SLC6A17: variants seen among roughly 807,000 people sequenced by gnomAD.
SLC6A17 encodes the protein sodium-dependent neutral amino acid transporter SLC6A17.
SLC6A17 carries 21 observed loss-of-function variants against 64.5 expected under a neutral mutation model. The ratio of observed to expected loss-of-function variants is 0.33; its 90% CI spans 0.23 to 0.47. SLC6A17 has a LOEUF of 0.47. Among genes scored for constraint, SLC6A17 ranks in the 20% least tolerant of loss-of-function variants. SLC6A17 has a pLI of 1.00. For missense variants in SLC6A17, 682 were observed against 963.2 expected (o/e 0.71, Z 3.86); for synonymous variants, 372 against 399.5 (o/e 0.93, Z 0.82).
At chr1:110,176,922 G>C (rs1039399414) in intron 6 of SLC6A17, among the ~76,000 whole-genome samples, 183 bp downstream of exon 6, 3 of 152,234 alleles carry the variant, frequency 2.0e-5, no homozygotes, top group Non-Finnish European at 4.4e-5. Context: ...GTTCCAAGGA[G>C]AGGCGTGTCA....
intron 2 of SLC6A17, among the ~76,000 whole-genome samples, chr1:110,169,216 T>A (rs186463365): frequency 6.6e-6 from 1 of 152,222 alleles, no homozygotes; most frequent in African/African-American, 2.4e-5. Flanking sequence ...TCTCCTTAGC[T>A]CCACGAAATG....
rs1656847560 is a variant in SLC6A17, at chr1:110,192,289, G to C, written c.1106+76G>C. On this transcript the variant is annotated intron_variant, in intron 7 of 11. Coordinates refer to ENST00000331565, the MANE Select transcript of SLC6A17 (RefSeq NM_001010898.4). This position sits in a 1 kb window ranked among gnomAD's most constrained non-coding sequence, Gnocchi z 4.3. ...GGGAGTGGGCAGGGGTGGGGGCGCA[G>C]GTGTGCATGGGGAGAGAGGTCCCCT... The C allele has an allele frequency of 1.3e-6, 2 of 1,554,716 alleles. No homozygotes were observed. Among genetic ancestry groups the C allele is most frequent in the African/African-American group, 2.7e-5 (2 of 73,854 alleles).
rs116418001 is a variant in SLC6A17 at position 110,180,941 on chromosome 1, C to T, written c.864+4202C>T. Among the ~76,000 whole-genome samples, 938 of 152,250 alleles carry T rather than the reference C, an allele frequency of 6.2e-3. 7 individuals carry two copies. The highest frequency in any genetic ancestry group is 0.022 in the African/African-American group (897 of 41,534). ...CCTTCCCTTCCATAGAGCCTTCCAACATCAGAAATAATTCAGGCTATCGGA... is the reference window on the plus strand; with the variant it reads ...CCTTCCCTTCCATAGAGCCTTCCAATATCAGAAATAATTCAGGCTATCGGA... On this transcript the variant is annotated intron_variant, in intron 6 of 11. Transcript: ENST00000331565.
intron 6 of SLC6A17, among the ~76,000 whole-genome samples, chr1:110,189,384 A>G (rs1047022949): frequency 2.0e-5 from 3 of 151,924 alleles, no homozygotes; most frequent in African/African-American, 4.8e-5. Context: ...CCTCTCCAGC[A>G]TCTCCCATCT....
Position 110,195,757 on chromosome 1 carries a change from A to G in SLC6A17, c.1652+12A>G. On this transcript the variant is annotated intron_variant, in intron 10 of 11. Coordinates refer to ENST00000331565, the MANE Select transcript of SLC6A17 (RefSeq NM_001010898.4). ...TATGGAACCAAGAAGTAAGAGGAAC[A>G]TGGGGGAAAGGTGGGATGGGAGGAG... 3 of 1,614,058 alleles carry G rather than the reference A, an allele frequency of 1.9e-6. No homozygotes were observed. Among genetic ancestry groups the G allele is most frequent in the Non-Finnish European group, 2.5e-6 (3 of 1,179,916 alleles).
chr1:110,176,172 A>G (rs1656367981), intron 5 of SLC6A17, among the ~76,000 whole-genome samples: 1 of 152,116 alleles, frequency 6.6e-6, no homozygotes, highest in Non-Finnish European at 1.5e-5. Context: ...TCATCCTCAC[A>G]AGGGGCTAGG....
rs1168820984 is a variant in SLC6A17 at position 110,176,615 on chromosome 1, T to C, written c.754-14T>C. On this transcript the variant is annotated splice_polypyrimidine_tract_variant and intron_variant, in intron 5 of 11. Transcript: ENST00000331565. ...AGGGCTCTGCCTGATGGGGGTTCCCTGTCCTCTCTGCAGGTGATGTATTTC... is the reference window on the plus strand; with the variant it reads ...AGGGCTCTGCCTGATGGGGGTTCCCCGTCCTCTCTGCAGGTGATGTATTTC... 3.1e-6 allele frequency: 5 copies of C among 1,613,228 alleles called. No homozygotes were observed. In the South Asian group the frequency reaches 4.4e-5, roughly 14 times the overall value.
chr1:110,161,394 T>A (rs1049272288), intron 1 of SLC6A17, among the ~76,000 whole-genome samples: 1 of 152,088 alleles, frequency 6.6e-6, no homozygotes, highest in Non-Finnish European at 1.5e-5. Flanking sequence ...CTTCCACTGA[T>A]TTCCTCTTCT....
At chr1:110,154,103 G>C (rs1428419878) in intron 1 of SLC6A17, among the ~76,000 whole-genome samples, 2 of 152,212 alleles carry the variant, frequency 1.3e-5, no homozygotes, top group Non-Finnish European at 2.9e-5. Context: ...CACTGTGCTT[G>C]GCACAAATTG....
At chr1:110,166,588 A>G (rs1466099780) in intron 1 of SLC6A17, among the ~76,000 whole-genome samples, 1 of 152,216 alleles carries the variant, frequency 6.6e-6, no homozygotes, top group African/African-American at 2.4e-5. Flanking sequence ...GGTTCGGAGT[A>G]TGGCTTTGCC....
At chr1:110,174,380 G>A (rs547299381) in intron 4 of SLC6A17, among the ~76,000 whole-genome samples, 1 of 152,346 alleles carries the variant, frequency 6.6e-6, no homozygotes, top group East Asian at 1.9e-4. Context: ...TGAGGAGACT[G>A]AGGCCCAGAA....
chr1:110,199,645 T>G lies in SLC6A17; in HGVS notation c.*1201T>G. The G allele has an allele frequency of 1.1e-5, 3 of 270,984 alleles. No homozygotes were observed. The highest frequency in any genetic ancestry group is 2.1e-5 in the Non-Finnish European group (3 of 144,522). 16.8% of individuals were successfully genotyped at this position (270,984 alleles called of 1,614,324 possible). ...TCCTGGCCCACAGTGGCCAGTGCCA[T>G]AGGCAGTGCTGTGGACAGTAGAGGC... is the stretch of plus-strand genomic sequence containing the variant. On this transcript the variant is annotated 3_prime_UTR_variant, in exon 12 of 12. Transcript: ENST00000331565.
At position 110,197,493 on chromosome 1, in the gene SLC6A17, A is replaced by G. The variant is rs1329599332; in HGVS notation, c.1709A>G (p.Tyr570Cys). 4 of 1,613,616 alleles carry G rather than the reference A, an allele frequency of 2.5e-6. No homozygotes were observed. Among genetic ancestry groups the G allele is most frequent in the African/African-American group, 2.7e-5 (2 of 74,902 alleles). Residue 570 changes from tyrosine (Y) to cysteine (C), a missense_variant, in exon 11 of 12, where the codon TAC (tyrosine) becomes TGC (cysteine). Tyr to Cys is a radical substitution (Grantham distance 194, BLOSUM62 -2). This residue lies in a region of SLC6A17 where 264 missense variants were observed against 339.5 expected (regional missense o/e 0.78). Coordinates refer to ENST00000331565, the MANE Select transcript of SLC6A17 (RefSeq NM_001010898.4). ...LGFRPYRFYF[Y>C]MWKFVSPLCM... ...TTCCGCCCCTACCGCTTCTATTTCT[A>G]CATGTGGAAGTTCGTGTCTCCACTA...
chr1:110,185,096 C>T (rs972402288), intron 6 of SLC6A17, among the ~76,000 whole-genome samples: 2 of 152,164 alleles, frequency 1.3e-5, no homozygotes, highest in South Asian at 2.1e-4. Context: ...ATTACCAGAG[C>T]GTGGGCTCTG....
At position 110,197,578 on chromosome 1, in the gene SLC6A17, C is replaced by T. The variant is rs1657003860; in HGVS notation, c.1794C>T (p.Tyr598=). ...AGCTGGGGGTCACGCCCCCGGGCTA[C>T]AGCGCCTGGATCAAGGAGGAGGTGA... ...IIQLGVTPPG[Y]SAWIKEEAAE... The change falls in exon 11 of 12, where the codon TAC becomes TAT. Residue 598 remains tyrosine (Y), a synonymous_variant. Transcript: ENST00000331565. The T allele has an allele frequency of 6.2e-7, 1 of 1,606,758 alleles. No individual in the cohort carries two copies. The highest frequency in any genetic ancestry group is 1.3e-5 in the African/African-American group (1 of 74,632).
chr1:110,169,148 T>C (rs1000864090), intron 2 of SLC6A17, among the ~76,000 whole-genome samples: 5 of 152,232 alleles, frequency 3.3e-5, no homozygotes, highest in African/African-American at 1.2e-4. Flanking sequence ...TCTGTGCTTT[T>C]GAGCCATAGT....
At chr1:110,191,090 C>T (rs1245320346) in intron 6 of SLC6A17, among the ~76,000 whole-genome samples, 4 of 152,188 alleles carry the variant, frequency 2.6e-5, no homozygotes, top group African/African-American at 4.8e-5. Context: ...TTGATCCTCA[C>T]GTTCACTCCG....
chr1:110,181,735 G>A (rs1033251040), intron 6 of SLC6A17, among the ~76,000 whole-genome samples: 1 of 152,224 alleles, frequency 6.6e-6, no homozygotes, highest in Non-Finnish European at 1.5e-5. Context: ...AGGCCAGGGA[G>A]CAGGCTATGT....
At chr1:110,184,851 G>A (rs984632282) in intron 6 of SLC6A17, among the ~76,000 whole-genome samples, 2 of 152,186 alleles carry the variant, frequency 1.3e-5, no homozygotes, top group African/African-American at 4.8e-5. Flanking sequence ...TCACAGGGGG[G>A]TACACCGGAA....
Sources: gnomAD v4.1 joint callset for allele counts (sites outside exome capture counted in the v4.1 genomes callset) on GRCh38, gnomAD v4.1.1 for gene constraint, gnomAD v4.1.1 regional missense constraint, Gnocchi (gnomAD v3.1) non-coding constraint, MANE v1.5 for transcripts, NCBI Gene and HGNC (gene_info 2026-07-23, HGNC 2026-07-21) for gene names.